C22orf31: variants seen among roughly 807,000 people sequenced by gnomAD.
C22orf31 encodes the protein uncharacterized protein C22orf31.
C22orf31 carries 11 observed loss-of-function variants against 15.0 expected under a neutral mutation model. That is an observed-to-expected ratio of 0.73 (90% CI 0.46 to 1.21). The LOEUF (loss-of-function observed/expected upper bound fraction) is 1.21, where lower values mean the gene tolerates loss of function less well. C22orf31 is among the 50% of genes most tolerant of loss of function. The pLI is 0.00. For missense variants in C22orf31, 340 were observed against 347.2 expected (o/e 0.98, Z 0.17); for synonymous variants, 132 against 133.3 (o/e 0.99, Z 0.07).
In C22orf31 at chr22:29,060,743, G is replaced by A. The variant is rs146741315; in HGVS notation, c.104C>T (p.Pro35Leu). 1.2e-5 allele frequency: 20 copies of A among 1,614,078 alleles called. No individual in the cohort carries two copies. The East Asian group carries it at 2.0e-4, about 16-fold the overall frequency. ...TRLQDCYVDS[P>L]ALTNIWMART... ...GGCCATCCAGATGTTGGTGAGAGCC[G>A]GTGAGTCCACATAGCAGTCCTGAAG... The change falls in exon 2 of 3, where the codon CCG becomes CTG. Residue 35 changes from proline to leucine, a missense_variant. Coordinates refer to ENST00000216071, the MANE Select transcript of C22orf31 (RefSeq NM_015370.2).
chr22:29,070,217 G>A, the C22orf31 span, among the ~76,000 whole-genome samples: 6 of 152,164 alleles, frequency 3.9e-5, no homozygotes, highest in Non-Finnish European at 8.8e-5. Context: ...TAAATGTTGG[G>A]ATTACAGGCG....
At chr22:29,060,317 G>T in intron 2 of C22orf31, 98 bp downstream of exon 2, 1 of 1,142,332 alleles carries the variant, frequency 8.8e-7, no homozygotes. Context: ...ATAGGCGGTA[G>T]CCGCACGCCA....
At chr22:29,059,505 A>G (rs890947779) in intron 2 of C22orf31, among the ~76,000 whole-genome samples, 4 of 152,150 alleles carry the variant, frequency 2.6e-5, no homozygotes, top group Non-Finnish European at 5.9e-5. Flanking sequence ...GCTCTGTTCA[A>G]AAGCCTTTTG....
chr22:29,070,284 A>G, the C22orf31 span, among the ~76,000 whole-genome samples: 1 of 152,188 alleles, frequency 6.6e-6, no homozygotes. Flanking sequence ...CAAAGGACAT[A>G]CATTTTCATT....
At chr22:29,061,971 A>C, upstream of C22orf31, 1 of 543,444 alleles carries the variant, frequency 1.8e-6, no homozygotes, top group Non-Finnish European at 3.3e-6. Flanking sequence ...ATGTGGGCTC[A>C]ATGCAGGCAG....
intron 2 of C22orf31, among the ~76,000 whole-genome samples, 167 bp from the exon 3 acceptor site, chr22:29,059,349 C>T (rs980309263): frequency 1.1e-4 from 16 of 152,062 alleles, no homozygotes; most frequent in Non-Finnish European, 2.2e-4. Flanking sequence ...GCATGTGTTC[C>T]CCATAACCCT....
upstream of C22orf31, among the ~76,000 whole-genome samples, chr22:29,065,696 C>G (rs1382578278): frequency 6.6e-6 from 1 of 152,308 alleles, no homozygotes; most frequent in African/African-American, 2.4e-5. Flanking sequence ...CAGAGATTGT[C>G]CCATCAAAGG....
upstream of C22orf31, among the ~76,000 whole-genome samples, chr22:29,065,052 A>T (rs935787152): frequency 1.9e-4 from 29 of 151,942 alleles, no homozygotes; most frequent in African/African-American, 6.5e-4. Context: ...TGGGGGTTTC[A>T]CCATGTTGGC....
At chr22:29,060,038 T>TTA in intron 2 of C22orf31, 1 of 888,302 alleles carries the variant, frequency 1.1e-6, no homozygotes, top group Non-Finnish European at 1.3e-6. Flanking sequence ...TTTTTTTTTT[T>TTA]TTTTTATTTT....
upstream of C22orf31, among the ~76,000 whole-genome samples, chr22:29,065,074 C>G (rs1287154496): frequency 2.0e-5 from 3 of 151,934 alleles, no homozygotes; most frequent in African/African-American, 7.3e-5. Flanking sequence ...AGGCTGGTCT[C>G]GAACTCCTGA....
the C22orf31 span, among the ~76,000 whole-genome samples, chr22:29,070,869 T>C: frequency 6.6e-6 from 1 of 152,204 alleles, no homozygotes; most frequent in Non-Finnish European, 1.5e-5. Flanking sequence ...TTGACTAGAA[T>C]GTAAGTTCCA....
intron 1 of C22orf31, among the ~76,000 whole-genome samples, chr22:29,061,279 TG>T (rs997992915): frequency 8.5e-5 from 13 of 152,104 alleles, no homozygotes; most frequent in African/African-American, 2.9e-4. Context: ...TTTTTGTGTG[TG>T]GGGGGGACGG....
chr22:29,066,035 C>T (rs757301486), upstream of C22orf31, among the ~76,000 whole-genome samples: 7 of 151,892 alleles, frequency 4.6e-5, no homozygotes, highest in Non-Finnish European at 7.4e-5. Flanking sequence ...ATTTTTAGCT[C>T]GTATAATCTT....
the C22orf31 span, chr22:29,073,291 C>T: frequency 1.5e-4 from 105 of 722,808 alleles, 1 homozygote; most frequent in Non-Finnish European, 9.5e-5. The surrounding 1 kb of genome is among the most constrained non-coding windows in gnomAD (Gnocchi z 4.4). Flanking sequence ...CGACAAGGGC[C>T]GGCCGGCCTG....
intron 2 of C22orf31, 60 bp from the exon 3 acceptor site, chr22:29,059,242 T>C: frequency 7.9e-7 from 1 of 1,261,024 alleles, no homozygotes; most frequent in South Asian, 1.4e-5. Flanking sequence ...CTCAGAATAA[T>C]TATCTGGGAT....
At position 29,060,719 on chromosome 22, in the gene C22orf31, G is replaced by A. The variant is rs758909162; in HGVS notation, c.128C>T (p.Ala43Val). 3.7e-6 allele frequency: 6 copies of A among 1,614,112 alleles called. No homozygotes were observed. In the Admixed American group the frequency reaches 5.0e-5, roughly 13 times the overall value. ...AATGTTCTGCTTTGCACATGTTCTG[G>A]CCATCCAGATGTTGGTGAGAGCCGG... ...DSPALTNIWM[A>V]RTCAKQNINA... The change falls in exon 2 of 3, where the codon GCC (alanine) becomes GTC (valine). Residue 43 changes from alanine (A) to valine (V), a missense_variant. Coordinates refer to ENST00000216071, the MANE Select transcript of C22orf31 (RefSeq NM_015370.2).
upstream of C22orf31, among the ~76,000 whole-genome samples, chr22:29,065,802 T>C (rs134564): frequency 0.73 from 111,497 of 152,136 alleles, 41,215 homozygotes; most frequent in Middle Eastern, 0.85. Flanking sequence ...GCACTTGATC[T>C]GGGGAACTCG....
Position 29,060,569 on chromosome 22 carries a change from G to A in C22orf31, c.278C>T (p.Pro93Leu). 1 of 1,614,140 alleles carries A rather than the reference G, an allele frequency of 6.2e-7. No individual in the cohort carries two copies. The highest frequency in any genetic ancestry group is 8.5e-7 in the Non-Finnish European group (1 of 1,180,028). Residue 93 changes from proline to leucine, a missense_variant, in exon 2 of 3, where the codon CCA (proline) becomes CTA (leucine). Transcript: ENST00000216071. ...GAGTTTTCCTTCTCCAAACTTGCAT[G>A]GTGGTGGGCAGCACTTATTCTTCAG... Reference protein sequence around the residue: ...RQLKNKCCPPPCKFGEGKLSK... With the variant: ...RQLKNKCCPPLCKFGEGKLSK...
At chr22:29,063,859 C>T (rs566849108), upstream of C22orf31, among the ~76,000 whole-genome samples, 6 of 152,260 alleles carry the variant, frequency 3.9e-5, no homozygotes, top group South Asian at 1.2e-3. Flanking sequence ...AAAGTCTATA[C>T]TGCCCTTGTT....
Sources: gnomAD v4.1 joint callset for allele counts (sites outside exome capture counted in the v4.1 genomes callset) on GRCh38, gnomAD v4.1.1 for gene constraint, Gnocchi (gnomAD v3.1) non-coding constraint, MANE v1.5 for transcripts, NCBI Gene and HGNC (gene_info 2026-07-23, HGNC 2026-07-21) for gene names.